MYO1D: variants seen among roughly 807,000 people sequenced by gnomAD.
MYO1D encodes the protein unconventional myosin-Id.
A neutral mutation model predicts 122.0 loss-of-function variants in MYO1D; 83 were observed. The observed-to-expected ratio is 0.68, with a 90% CI of 0.57 to 0.82. The LOEUF (loss-of-function observed/expected upper bound fraction) is 0.82. Ranked by LOEUF, MYO1D falls within the 40% of genes least tolerant of loss-of-function variation. The pLI is 0.00. For missense variants in MYO1D, 1,157 were observed against 1,269.5 expected (o/e 0.91, Z 1.35); for synonymous variants, 464 against 446.9 (o/e 1.04, Z -0.48).
At chr17:32,588,324 G>A (rs2087409277) in intron 21 of MYO1D, among the ~76,000 whole-genome samples, 1 of 152,216 alleles carries the variant, frequency 6.6e-6, no homozygotes, top group East Asian at 1.9e-4. Context: ...AGGGCACGAT[G>A]CCTGATAAAA....
rs996444176 is a variant in MYO1D, at chr17:32,527,902, G to A, written c.2865-32987C>T. Among the ~76,000 whole-genome samples, 14 of 147,370 alleles carry A rather than the reference G, an allele frequency of 9.5e-5. No homozygotes were observed. In the South Asian group the frequency reaches 1.1e-3, roughly 11 times the overall value. ...CGCCCAGGCTAGACTGCAGTGGCAC[G>A]ATCTTGGCTCATTGCAATCTCTGCC... On this transcript the variant is annotated intron_variant, in intron 21 of 21. Transcript: ENST00000318217.
At chr17:32,589,193 G>T (rs1307005374) in intron 21 of MYO1D, among the ~76,000 whole-genome samples, 1 of 152,188 alleles carries the variant, frequency 6.6e-6, no homozygotes, top group Admixed American at 6.5e-5. Context: ...GGCCGGCCTC[G>T]TGGGGAGGCA....
intron 16 of MYO1D, among the ~76,000 whole-genome samples, chr17:32,676,881 G>C (rs1219099649): frequency 6.6e-6 from 1 of 151,796 alleles, no homozygotes; most frequent in African/African-American, 2.4e-5. Flanking sequence ...CGCTATCTTG[G>C]CTCACTGCAA....
chr17:32,749,163 A>T (rs2089872083), intron 11 of MYO1D, among the ~76,000 whole-genome samples, 157 bp from the exon 12 acceptor site: 1 of 152,270 alleles, frequency 6.6e-6, no homozygotes, highest in African/African-American at 2.4e-5. Flanking sequence ...TATAAAGACT[A>T]AACTTTCACT....
intron 1 of MYO1D, among the ~76,000 whole-genome samples, chr17:32,790,570 G>A (rs962375072): frequency 2.6e-5 from 4 of 152,170 alleles, no homozygotes; most frequent in African/African-American, 4.8e-5. Flanking sequence ...TCTTCAGAAC[G>A]ATCTTCTCTT....
intron 14 of MYO1D, among the ~76,000 whole-genome samples, chr17:32,728,067 C>T (rs2089596370): frequency 6.6e-6 from 1 of 152,050 alleles, no homozygotes. Flanking sequence ...ACAATAAGGA[C>T]AAGCAGATAA....
intron 21 of MYO1D, among the ~76,000 whole-genome samples, chr17:32,603,827 A>G (rs1597924707): frequency 6.6e-6 from 1 of 152,148 alleles, no homozygotes; most frequent in South Asian, 2.1e-4. Context: ...GCCTGGCCAC[A>G]TTCTAAACTT....
At chr17:32,645,328 C>T (rs190934876) in intron 19 of MYO1D, among the ~76,000 whole-genome samples, 1 of 152,226 alleles carries the variant, frequency 6.6e-6, no homozygotes, top group East Asian at 1.9e-4. Context: ...CGAGGGCTGC[C>T]CTTAACATTT....
intron 13 of MYO1D, among the ~76,000 whole-genome samples, chr17:32,742,269 A>G (rs1205921627): frequency 1.3e-5 from 2 of 152,218 alleles, no homozygotes; most frequent in Admixed American, 1.3e-4. Context: ...GGATTTTGGT[A>G]TCTTCAGTGG....
intron 1 of MYO1D, among the ~76,000 whole-genome samples, chr17:32,861,092 G>A (rs560901335): frequency 2.7e-4 from 39 of 144,814 alleles, no homozygotes; most frequent in Non-Finnish European, 3.6e-4. Flanking sequence ...TTTTGGAAAC[G>A]GAGTCTCGCT....
intron 20 of MYO1D, among the ~76,000 whole-genome samples, chr17:32,634,483 T>C (rs904556791): frequency 7.2e-5 from 11 of 152,200 alleles, no homozygotes; most frequent in African/African-American, 2.4e-4. Context: ...TGCTGATTTA[T>C]AGAAGTTCAA....
At chr17:32,632,899 C>A (rs552132847) in intron 20 of MYO1D, among the ~76,000 whole-genome samples, 4 of 152,142 alleles carry the variant, frequency 2.6e-5, no homozygotes, top group Admixed American at 2.6e-4. Context: ...GGTGTATGGA[C>A]ACTCGGTTTA....
At chr17:32,556,662 G>A (rs2087071189) in intron 21 of MYO1D, among the ~76,000 whole-genome samples, 1 of 151,772 alleles carries the variant, frequency 6.6e-6, no homozygotes, top group Non-Finnish European at 1.5e-5. Flanking sequence ...CTGGATTGTA[G>A]GCATGAGCCA....
intron 10 of MYO1D, among the ~76,000 whole-genome samples, chr17:32,757,654 CG>C (rs2089962359): frequency 6.6e-6 from 1 of 152,110 alleles, no homozygotes; most frequent in African/African-American, 2.4e-5. Flanking sequence ...AAATTAAAGA[CG>C]AAGTCTTTTG....
chr17:32,535,565 G>A (rs2150875329), intron 21 of MYO1D, among the ~76,000 whole-genome samples: 1 of 152,260 alleles, frequency 6.6e-6, no homozygotes, highest in East Asian at 1.9e-4. Context: ...GGCCAACATG[G>A]TGAAACCCCA....
intron 1 of MYO1D, among the ~76,000 whole-genome samples, chr17:32,871,104 G>T (rs1360928201): frequency 1.3e-5 from 2 of 152,188 alleles, no homozygotes; most frequent in East Asian, 3.8e-4. Flanking sequence ...TGAGGGCAGA[G>T]ATGAGGAAAG....
At chr17:32,666,696 T>C (rs2088640352) in intron 16 of MYO1D, among the ~76,000 whole-genome samples, 1 of 152,202 alleles carries the variant, frequency 6.6e-6, no homozygotes, top group Non-Finnish European at 1.5e-5. Flanking sequence ...TTCTCCTAGT[T>C]CCCCATGTTT....
chr17:32,618,172 G>C (rs1299262864), intron 20 of MYO1D, among the ~76,000 whole-genome samples: 2 of 152,176 alleles, frequency 1.3e-5, no homozygotes, highest in Non-Finnish European at 2.9e-5. Flanking sequence ...CATGAGCTTT[G>C]AGCAGTAATG....
intron 21 of MYO1D, among the ~76,000 whole-genome samples, chr17:32,580,666 C>G (rs565943859): frequency 6.6e-6 from 1 of 152,074 alleles, no homozygotes; most frequent in South Asian, 2.1e-4. Flanking sequence ...GCCTTGGGCT[C>G]CCAAAGTGCT....
Sources: allele counts gnomAD v4.1 joint callset (sites outside exome capture counted in the v4.1 genomes callset), GRCh38; gene constraint gnomAD v4.1.1; transcripts MANE v1.5; gene names NCBI Gene and HGNC (gene_info 2026-07-23, HGNC 2026-07-21).